The following FAM149A variants were observed in gnomAD, a reference collection of about 807,000 sequenced individuals.
The protein encoded by FAM149A is protein FAM149A.
FAM149A carries 71 observed loss-of-function variants against 78.2 expected under a neutral mutation model. The observed-to-expected ratio is 0.91, with a 90% CI of 0.75 to 1.11. FAM149A has a LOEUF of 1.11. FAM149A is among the 50% of genes least tolerant of loss of function. The pLI, the probability that FAM149A is intolerant of heterozygous loss-of-function variation, is 0.00. For synonymous variants in FAM149A, 446 were observed against 410.5 expected (o/e 1.09, Z -1.04); for missense variants, 1,036 against 971.0 (o/e 1.07, Z -0.89).
chr4:186,108,676 C>T (rs1447856528), intron 1 of FAM149A, among the ~76,000 whole-genome samples: 1 of 151,968 alleles, frequency 6.6e-6, no homozygotes, highest in Non-Finnish European at 1.5e-5. Flanking sequence ...TTTCCTGCAT[C>T]CCTGGATACG....
At chr4:186,132,804 A>G (rs2099321250) in intron 1 of FAM149A, 1 of 190,160 alleles carries the variant, frequency 5.3e-6, no homozygotes, top group Admixed American at 6.5e-5. Flanking sequence ...CAACAAAAGG[A>G]AAGATAGTTT....
At chr4:186,150,123 C>T (rs1242941804) in intron 3 of FAM149A, among the ~76,000 whole-genome samples, 1 of 129,648 alleles carries the variant, frequency 7.7e-6, no homozygotes, top group Non-Finnish European at 1.8e-5. Context: ...CCTTCACCCC[C>T]TACCGCTGGG....
rs2099308404 is a variant in FAM149A, at chr4:186,105,572, A to T, written c.496A>T (p.Thr166Ser). 1 of 1,096,248 alleles carries T rather than the reference A, an allele frequency of 9.1e-7. No individual in the cohort carries two copies. Among genetic ancestry groups the T allele is most frequent in the Non-Finnish European group, 1.1e-6 (1 of 894,658 alleles). 67.9% of individuals were successfully genotyped at this position (1,096,248 alleles called of 1,614,324 possible). A position where few individuals can be genotyped will look rare whatever the true frequency, so the allele number is the denominator to read the frequency against. ...CGTGGCCCCCGGGGCTGGCCCCAGAACCCTGTTCCTTACGCTGCCTGACAT... is the reference window on the plus strand; with the variant it reads ...CGTGGCCCCCGGGGCTGGCCCCAGATCCCTGTTCCTTACGCTGCCTGACAT... The change falls in exon 1 of 14, where the codon ACC (threonine) becomes TCC (serine). Residue 166 changes from threonine (T) to serine (S), a missense_variant. Thr to Ser is a moderately conservative substitution (Grantham distance 58). Transcript: ENST00000389354.
At chr4:186,117,131 T>A (rs920085118) in intron 1 of FAM149A, among the ~76,000 whole-genome samples, 1 of 152,202 alleles carries the variant, frequency 6.6e-6, no homozygotes, top group African/African-American at 2.4e-5. Context: ...TACAAACTTG[T>A]CCCTGTGGTG....
chr4:186,167,572 C>T (rs959873301), intron 13 of FAM149A: 3 of 371,924 alleles, frequency 8.1e-6, no homozygotes, highest in African/African-American at 2.1e-5. Flanking sequence ...TCTGCTATAG[C>T]GTTTTCATGC....
rs1406172254 is a variant in FAM149A at position 186,117,990 on chromosome 4, G to T, written c.566+12348G>T. ...GGGGGACCACAGAAGATGCGGGTTTGTCATGCAGATGAGGAGTTCACTCTG... is the reference window on the plus strand; with the variant it reads ...GGGGGACCACAGAAGATGCGGGTTTTTCATGCAGATGAGGAGTTCACTCTG... On this transcript the variant is annotated intron_variant, in intron 1 of 13. Coordinates refer to ENST00000389354, the MANE Select transcript of FAM149A (RefSeq NM_001367768.3). The T allele has an allele frequency of 3.0e-6, 3 of 985,450 alleles. No individual in the cohort carries two copies. In the African/African-American group the frequency reaches 5.2e-5, roughly 17 times the overall value. The allele number at this position is 985,450 out of a possible 1,614,324, so 61.0% of individuals were successfully genotyped here.
intron 1 of FAM149A, among the ~76,000 whole-genome samples, chr4:186,139,869 C>G (rs889109390): frequency 2.0e-5 from 3 of 152,128 alleles, no homozygotes; most frequent in African/African-American, 4.8e-5. Flanking sequence ...TTATATGATA[C>G]CCATGTAAAG....
At chr4:186,147,074 G>C in intron 1 of FAM149A, 1 of 732,366 alleles carries the variant, frequency 1.4e-6, no homozygotes, top group Non-Finnish European at 1.7e-6. Context: ...TCGTAGAGTA[G>C]CAGGTGATGA....
chr4:186,144,806 G>A lies in FAM149A; in HGVS notation c.567-4367G>A. The A allele has an allele frequency of 3.1e-6, 3 of 981,924 alleles. No homozygotes were observed. Among genetic ancestry groups the A allele is most frequent in the Non-Finnish European group, 2.4e-6 (2 of 827,090 alleles). 60.8% of individuals were successfully genotyped at this position (981,924 alleles called of 1,614,324 possible). ...GCTGGCGGGCGAGGGCGCAGCGCAG[G>A]GAGGAGGAGGGGAGGCGGCGCCGGC... On this transcript the variant is annotated intron_variant, in intron 1 of 13. Coordinates refer to ENST00000389354, the MANE Select transcript of FAM149A (RefSeq NM_001367768.3). This position sits in a 1 kb window ranked among gnomAD's most constrained non-coding sequence, Gnocchi z 4.2.
intron 1 of FAM149A, chr4:186,146,581 C>T: frequency 4.4e-6 from 4 of 906,654 alleles, no homozygotes; most frequent in Non-Finnish European, 5.3e-6. Flanking sequence ...TTCATTGAAA[C>T]AAACTCGCAT....
At chr4:186,145,301 C>T (rs541972812) in intron 1 of FAM149A, among the ~76,000 whole-genome samples, 60 of 152,260 alleles carry the variant, frequency 3.9e-4, no homozygotes, top group African/African-American at 1.3e-3. Flanking sequence ...TTCGTCACTG[C>T]GGTCGCTCCT....
chr4:186,165,260 GAAA>G, intron 10 of FAM149A, 81 bp from the exon 11 acceptor site: 1 of 1,506,932 alleles, frequency 6.6e-7, no homozygotes, highest in Non-Finnish European at 9.2e-7. Context: ...CAGAAACATT[GAAA>G]TCACAGCTCT....
chr4:186,165,347 G>T lies in FAM149A; in HGVS notation c.1893G>T (p.Pro631=). The change falls in exon 11 of 14, where the codon CCG becomes CCT. Residue 631 remains proline, a synonymous_variant. Coordinates refer to ENST00000389354, the MANE Select transcript of FAM149A (RefSeq NM_001367768.3). ...GTGACATGATGATGTGTTGCAGGCC[G>T]ACTGGCGTGGACCACATGGCTTCCC... The T allele has an allele frequency of 6.2e-7, 1 of 1,614,154 alleles. No individual in the cohort carries two copies. Among genetic ancestry groups the T allele is most frequent in the South Asian group, 1.1e-5 (1 of 91,062 alleles).
In FAM149A at chr4:186,128,902, C is replaced by G. The variant is rs114184842; in HGVS notation, c.567-20271C>G. The stretch of plus-strand genomic sequence containing the variant: ...TGTATGGGTGTGTATGTGTGTGTGT[C>G]TGGGTATGCGTCTTATGTGTTTCTG... On this transcript the variant is annotated intron_variant, in intron 1 of 13. Transcript: ENST00000389354. 5.5e-3 allele frequency among the ~76,000 whole-genome samples: 822 copies of G among 150,112 alleles called. 8 individuals are homozygous for G. Among genetic ancestry groups the G allele is most frequent in the African/African-American group, 0.019 (788 of 40,806 alleles).
rs144813452 is a variant in FAM149A, at chr4:186,136,693, T to C, written c.567-12480T>C. Among the ~76,000 whole-genome samples, 51 of 152,340 alleles carry C rather than the reference T, an allele frequency of 3.3e-4. No individual in the cohort carries two copies. The East Asian group carries it at 8.9e-3, about 27-fold the overall frequency. On this transcript the variant is annotated intron_variant, in intron 1 of 13. Transcript: ENST00000389354. ...TACAACATTTATAGCAATTTCAAAA[T>C]GTCCTGATAATCTGTGCCATGTATA...
intron 13 of FAM149A, among the ~76,000 whole-genome samples, chr4:186,168,223 T>G (rs1440146687): frequency 6.6e-6 from 1 of 152,244 alleles, no homozygotes; most frequent in Non-Finnish European, 1.5e-5. Context: ...GCTCCTGCGC[T>G]AGTCGCTCTG....
At chr4:186,145,031 G>A in intron 1 of FAM149A, 1 of 982,336 alleles carries the variant, frequency 1.0e-6, no homozygotes, top group Non-Finnish European at 1.2e-6. Flanking sequence ...CGCGCGCGGT[G>A]CCTCTGCCTG....
chr4:186,156,271 C>G lies in FAM149A; in HGVS notation c.1420+81C>G, dbSNP rs1734027714. The G allele has an allele frequency of 5.0e-6, 6 of 1,203,120 alleles. No homozygotes were observed. In the South Asian group the frequency reaches 5.7e-5, roughly 11 times the overall value. The allele number at this position is 1,203,120 out of a possible 1,614,324, so 74.5% of individuals were successfully genotyped here. A position where few individuals can be genotyped will look rare whatever the true frequency, so the allele number is the denominator to read the frequency against. On this transcript the variant is annotated intron_variant, in intron 7 of 13. Coordinates refer to ENST00000389354, the MANE Select transcript of FAM149A (RefSeq NM_001367768.3). ...CTGGGCTCCTGCTCCCCAGCTTGGCCAGACCTAGAACGTGACCAGTGAGAA... is the reference window on the plus strand; with the variant it reads ...CTGGGCTCCTGCTCCCCAGCTTGGCGAGACCTAGAACGTGACCAGTGAGAA...
intron 1 of FAM149A, among the ~76,000 whole-genome samples, chr4:186,112,279 G>A (rs1231339884): frequency 6.7e-6 from 1 of 150,192 alleles, no homozygotes; most frequent in East Asian, 1.9e-4. Flanking sequence ...TTGCTTATCA[G>A]CTTAAGGAGA....
Sources: gnomAD v4.1 joint callset for allele counts (sites outside exome capture counted in the v4.1 genomes callset) on GRCh38, gnomAD v4.1.1 for gene constraint, Gnocchi (gnomAD v3.1) non-coding constraint, MANE v1.5 for transcripts, NCBI Gene and HGNC (gene_info 2026-07-23, HGNC 2026-07-21) for gene names.